The following SHISA6 variants were observed in gnomAD, a reference collection of about 807,000 sequenced individuals.
The protein encoded by SHISA6 is protein shisa-6.
SHISA6 carries 22 observed loss-of-function variants against 47.9 expected under a neutral mutation model. That is an observed-to-expected ratio of 0.46 (90% CI 0.33 to 0.66). The LOEUF (loss-of-function observed/expected upper bound fraction) is 0.66, where lower values mean the gene tolerates loss of function less well. SHISA6 is among the 30% of genes least tolerant of loss of function. The pLI is 0.02. For synonymous variants in SHISA6, 388 were observed against 337.8 expected (o/e 1.15, Z -1.63); for missense variants, 680 against 764.6 (o/e 0.89, Z 1.30).
intron 2 of SHISA6, among the ~76,000 whole-genome samples, chr17:11,264,397 T>C (rs1022938027): frequency 6.6e-6 from 1 of 152,198 alleles, no homozygotes; most frequent in Non-Finnish European, 1.5e-5. Flanking sequence ...AAAACAAGAT[T>C]CAAGCCAAGG....
chr17:11,274,791 A>C (rs1908818061), intron 2 of SHISA6, among the ~76,000 whole-genome samples: 2 of 152,154 alleles, frequency 1.3e-5, no homozygotes, highest in South Asian at 4.1e-4. Context: ...ACAAGAAAAT[A>C]ATTGACTCTA....
chr17:11,540,020 G>T (rs2071819964), intron 3 of SHISA6, among the ~76,000 whole-genome samples: 1 of 152,196 alleles, frequency 6.6e-6, no homozygotes, highest in African/African-American at 2.4e-5. Context: ...TTGCTATTCG[G>T]TGTACGTCAT....
chr17:11,403,215 C>G (rs1913839390), intron 3 of SHISA6, among the ~76,000 whole-genome samples: 1 of 152,168 alleles, frequency 6.6e-6, no homozygotes, highest in South Asian at 2.1e-4. Flanking sequence ...TAGAATCACT[C>G]AAGTTTTTAG....
chr17:11,532,294 C>T (rs2071741360), intron 3 of SHISA6, among the ~76,000 whole-genome samples: 1 of 152,144 alleles, frequency 6.6e-6, no homozygotes, highest in African/African-American at 2.4e-5. Flanking sequence ...CCACTCCCAG[C>T]CAAGACATGG....
At chr17:11,488,151 C>T (rs1317336163) in intron 3 of SHISA6, among the ~76,000 whole-genome samples, 4 of 151,648 alleles carry the variant, frequency 2.6e-5, no homozygotes, top group Non-Finnish European at 5.9e-5. Flanking sequence ...CCTCAGCTGT[C>T]GGGACAAATA....
At chr17:11,416,621 T>C (rs1597502631) in intron 3 of SHISA6, among the ~76,000 whole-genome samples, 1 of 152,372 alleles carries the variant, frequency 6.6e-6, no homozygotes, top group South Asian at 2.1e-4. Context: ...TTTCTGTATT[T>C]AGTGAAAAAT....
intron 3 of SHISA6, among the ~76,000 whole-genome samples, chr17:11,389,189 A>G (rs960532886): frequency 3.9e-5 from 6 of 152,048 alleles, no homozygotes; most frequent in African/African-American, 1.4e-4. Flanking sequence ...AGACTCACTC[A>G]TATCCCTGTT....
At chr17:11,499,267 C>G (rs1432987797) in intron 3 of SHISA6, among the ~76,000 whole-genome samples, 1 of 152,128 alleles carries the variant, frequency 6.6e-6, no homozygotes, top group Non-Finnish European at 1.5e-5. Flanking sequence ...GCATTGCTGT[C>G]CAAGAAGCAT....
At chr17:11,272,883 C>T (rs1254867215) in intron 2 of SHISA6, among the ~76,000 whole-genome samples, 3 of 152,182 alleles carry the variant, frequency 2.0e-5, no homozygotes, top group Admixed American at 1.3e-4. Flanking sequence ...TTTGAAACAA[C>T]CTGGAATCCA....
chr17:11,488,335 G>T (rs8070424), intron 3 of SHISA6, among the ~76,000 whole-genome samples: 1 of 151,990 alleles, frequency 6.6e-6, no homozygotes, highest in Non-Finnish European at 1.5e-5. Flanking sequence ...TTGTATTATA[G>T]ATGAGCAAAA....
intron 2 of SHISA6, among the ~76,000 whole-genome samples, chr17:11,368,906 C>T (rs1181213439): frequency 1.3e-5 from 2 of 152,204 alleles, no homozygotes; most frequent in East Asian, 3.9e-4. Context: ...CCGCCCACCT[C>T]AGCCTCCCAA....
chr17:11,335,150 C>T (rs940813368), intron 2 of SHISA6, among the ~76,000 whole-genome samples: 3 of 152,304 alleles, frequency 2.0e-5, no homozygotes, highest in Non-Finnish European at 4.4e-5. Flanking sequence ...AGAGCTTTCT[C>T]CTGTCACAAA....
At chr17:11,348,560 A>G (rs762117443) in intron 2 of SHISA6, among the ~76,000 whole-genome samples, 8 of 152,124 alleles carry the variant, frequency 5.3e-5, no homozygotes, top group African/African-American at 9.7e-5. Context: ...AAAATATTCT[A>G]TGATCCCAAT....
chr17:11,534,664 A>C (rs909636200), intron 3 of SHISA6, among the ~76,000 whole-genome samples: 3 of 152,216 alleles, frequency 2.0e-5, no homozygotes, highest in African/African-American at 7.2e-5. Flanking sequence ...GAAAGCTGCC[A>C]TGGATAAGGT....
At chr17:11,401,868 C>T (rs1228905190) in intron 3 of SHISA6, among the ~76,000 whole-genome samples, 4 of 152,126 alleles carry the variant, frequency 2.6e-5, no homozygotes, top group Admixed American at 6.5e-5. Flanking sequence ...TACAGAGGGG[C>T]TCTTAATCTT....
chr17:11,269,470 A>G (rs907738285), intron 2 of SHISA6, among the ~76,000 whole-genome samples: 4 of 152,160 alleles, frequency 2.6e-5, no homozygotes, highest in Non-Finnish European at 4.4e-5. Flanking sequence ...ACTGTTACCC[A>G]GGGTGCCCTT....
intron 3 of SHISA6, among the ~76,000 whole-genome samples, chr17:11,459,708 G>T (rs1221538331): frequency 3.3e-5 from 5 of 152,200 alleles, no homozygotes; most frequent in Non-Finnish European, 2.9e-5. Flanking sequence ...GAAAAAATGG[G>T]AAGTTTACGG....
chr17:11,294,252 G>A lies in SHISA6; in HGVS notation c.799+30726G>A, dbSNP rs189338597. Among the ~76,000 whole-genome samples, 367 of 152,292 alleles carry A rather than the reference G, an allele frequency of 2.4e-3. 4 individuals carry two copies. The highest frequency in any genetic ancestry group is 0.017 in the South Asian group (82 of 4,822). ...GAATGACTCCAACAAAACCTTCAGA[G>A]ATACCCAAAGGCTCCCATACAGTCT... is the stretch of plus-strand genomic sequence containing the variant. On this transcript the variant is annotated intron_variant, in intron 2 of 5. Coordinates refer to ENST00000441885, the MANE Select transcript of SHISA6 (RefSeq NM_207386.4).
intron 3 of SHISA6, among the ~76,000 whole-genome samples, chr17:11,383,478 C>T (rs1913095253): frequency 6.6e-6 from 1 of 152,108 alleles, no homozygotes; most frequent in Non-Finnish European, 1.5e-5. Context: ...AGAATTCTGC[C>T]TGTGGGAGCT....
Sources: gnomAD v4.1 joint callset for allele counts (sites outside exome capture counted in the v4.1 genomes callset) on GRCh38, gnomAD v4.1.1 for gene constraint, MANE v1.5 for transcripts, NCBI Gene and HGNC (gene_info 2026-07-23, HGNC 2026-07-21) for gene names.